Variants in POU2AF2 observed in about 807,000 individuals in gnomAD.
POU2AF2 encodes POU domain class 2-associating factor 2.
chr11:111,251,564 C>T, the POU2AF2 span, among the ~76,000 whole-genome samples: 1 of 152,320 alleles, frequency 6.6e-6, no homozygotes, highest in Admixed American at 6.5e-5. Flanking sequence ...TACCACTGCA[C>T]ACATCTTTTC....
the POU2AF2 span, among the ~76,000 whole-genome samples, chr11:111,276,305 T>G: frequency 8.6e-5 from 13 of 151,220 alleles, no homozygotes; most frequent in African/African-American, 3.2e-4. Context: ...GAAAGACCAA[T>G]AGCAGATACT....
chr11:111,264,965 G>A, the POU2AF2 span, among the ~76,000 whole-genome samples: 1 of 150,188 alleles, frequency 6.7e-6, no homozygotes, highest in South Asian at 2.1e-4. Flanking sequence ...AGGAAGGAAG[G>A]AAGGAAGAAA....
chr11:111,265,643 T>C, the POU2AF2 span, among the ~76,000 whole-genome samples: 1 of 152,280 alleles, frequency 6.6e-6, no homozygotes, highest in South Asian at 2.1e-4. Context: ...GCAGCTTTTA[T>C]GGTTTTTACA....
chr11:111,265,376 T>C, the POU2AF2 span, among the ~76,000 whole-genome samples: 1 of 152,128 alleles, frequency 6.6e-6, no homozygotes, highest in African/African-American at 2.4e-5. Context: ...GCCATTTCTG[T>C]TTGTTCCTTT....
the POU2AF2 span, among the ~76,000 whole-genome samples, chr11:111,282,422 G>C: frequency 6.6e-6 from 1 of 152,238 alleles, no homozygotes; most frequent in African/African-American, 2.4e-5. Context: ...GAGCAGGTTA[G>C]AAGTTATAGA....
the POU2AF2 span, among the ~76,000 whole-genome samples, chr11:111,283,065 T>TC: frequency 6.7e-6 from 1 of 148,470 alleles, no homozygotes; most frequent in South Asian, 2.2e-4. Context: ...TTACTTTTTT[T>TC]TTTTTTTTTT....
At chr11:111,277,626 T>C in the POU2AF2 span, among the ~76,000 whole-genome samples, 1 of 152,230 alleles carries the variant, frequency 6.6e-6, no homozygotes, top group Admixed American at 6.5e-5. Flanking sequence ...CTGATGCTGA[T>C]GCTCATCGGA....
the POU2AF2 span, among the ~76,000 whole-genome samples, chr11:111,276,558 C>T: frequency 1.4e-5 from 2 of 144,040 alleles, no homozygotes; most frequent in Non-Finnish European, 3.0e-5. Context: ...AGGAGAATCG[C>T]TTGAACCCAG....
At chr11:111,254,414 T>C in the POU2AF2 span, among the ~76,000 whole-genome samples, 2 of 152,256 alleles carry the variant, frequency 1.3e-5, no homozygotes, top group African/African-American at 4.8e-5. Flanking sequence ...GATTTGTTTT[T>C]CTTCTTCATT....
chr11:111,257,924 C>G, the POU2AF2 span, among the ~76,000 whole-genome samples: 2 of 152,062 alleles, frequency 1.3e-5, no homozygotes, highest in African/African-American at 4.8e-5. Context: ...TCCAGACCAG[C>G]CTGGCCAACA....
chr11:111,254,026 T>C, the POU2AF2 span, among the ~76,000 whole-genome samples: 11 of 152,328 alleles, frequency 7.2e-5, 2 homozygotes, highest in African/African-American at 2.6e-4. Context: ...TTAGCACGTT[T>C]GCATCACAAT....
the POU2AF2 span, among the ~76,000 whole-genome samples, chr11:111,249,482 C>T: frequency 6.6e-6 from 1 of 152,158 alleles, no homozygotes; most frequent in Non-Finnish European, 1.5e-5. Flanking sequence ...ATTCACTTAC[C>T]TGTACCCCTG....
the POU2AF2 span, among the ~76,000 whole-genome samples, chr11:111,283,058 C>CT: frequency 0.33 from 39,173 of 118,312 alleles, 8,100 homozygotes; most frequent in African/African-American, 0.52. Flanking sequence ...AAACTTTTTA[C>CT]TTTTTTTTTT....
the POU2AF2 span, among the ~76,000 whole-genome samples, chr11:111,273,183 A>C: frequency 1.3e-5 from 2 of 152,196 alleles, no homozygotes; most frequent in East Asian, 3.8e-4. Flanking sequence ...TGGTTCTACT[A>C]TATACTTCTC....
the POU2AF2 span, among the ~76,000 whole-genome samples, chr11:111,248,911 A>C: frequency 3.3e-4 from 51 of 152,326 alleles, no homozygotes; most frequent in Middle Eastern, 3.4e-3. Context: ...GAAAACGTTT[A>C]ATTTTGAAAA....
chr11:111,271,096 G>A, the POU2AF2 span, among the ~76,000 whole-genome samples: 1 of 152,208 alleles, frequency 6.6e-6, no homozygotes, highest in Non-Finnish European at 1.5e-5. Flanking sequence ...ACCGAGGTGG[G>A]TGGATCACCT....
chr11:111,279,352 AC>A, the POU2AF2 span, among the ~76,000 whole-genome samples: 1 of 152,194 alleles, frequency 6.6e-6, no homozygotes, highest in South Asian at 2.1e-4. Context: ...GTAACAAGTT[AC>A]CACAAATGGG....
At chr11:111,249,859 C>G in the POU2AF2 span, among the ~76,000 whole-genome samples, 1 of 152,146 alleles carries the variant, frequency 6.6e-6, no homozygotes, top group Non-Finnish European at 1.5e-5. Flanking sequence ...TCCAGCCCCT[C>G]TCTTCCCCTG....
the POU2AF2 span, among the ~76,000 whole-genome samples, chr11:111,281,703 A>G: frequency 6.6e-6 from 1 of 152,186 alleles, no homozygotes; most frequent in East Asian, 1.9e-4. Context: ...ACAGTTTTAA[A>G]TTGTCTAAAG....
Sources: allele counts gnomAD v4.1 joint callset (sites outside exome capture counted in the v4.1 genomes callset), GRCh38; gene constraint gnomAD v4.1.1; transcripts MANE v1.5; gene names NCBI Gene and HGNC (gene_info 2026-07-23, HGNC 2026-07-21).